The following MKLN1 variants were observed in gnomAD, a reference collection of about 807,000 sequenced individuals.
MKLN1 encodes muskelin 1.
MKLN1 carries 18 observed loss-of-function variants against 99.0 expected under a neutral mutation model. The observed-to-expected ratio is 0.18, with a 90% CI of 0.13 to 0.27. The LOEUF (loss-of-function observed/expected upper bound fraction) is 0.27. Among genes scored for constraint, MKLN1 ranks in the 10% least tolerant of loss-of-function variants. The pLI, the probability that MKLN1 is intolerant of heterozygous loss-of-function variation, is 1.00. For synonymous variants in MKLN1, 288 were observed against 293.2 expected (o/e 0.98, Z 0.18); for missense variants, 621 against 875.9 (o/e 0.71, Z 3.67).
intron 3 of MKLN1, among the ~76,000 whole-genome samples, chr7:131,241,508 G>A (rs554883616): frequency 1.3e-5 from 2 of 152,110 alleles, no homozygotes; most frequent in African/African-American, 4.8e-5. Flanking sequence ...GGAATTCAAG[G>A]CCATCCTGGC....
rs780981139 is a variant in MKLN1 at position 131,429,187 on chromosome 7, G to A, written c.960+42G>A. On this transcript the variant is annotated intron_variant, in intron 9 of 17. Transcript: ENST00000352689. Reference sequence around the variant, plus strand: ...TTCATACATCTATATTACAGAAGGGGCGTAGATGTGCACTTGTTTTTCGGC... The same window carrying A: ...TTCATACATCTATATTACAGAAGGGACGTAGATGTGCACTTGTTTTTCGGC... 2.0e-5 allele frequency: 25 copies of A among 1,277,456 alleles called. No individual in the cohort carries two copies. In the South Asian group the frequency reaches 2.4e-4, roughly 12 times the overall value. The allele number at this position is 1,277,456 out of a possible 1,614,324, so 79.1% of individuals were successfully genotyped here. A position where few individuals can be genotyped will look rare whatever the true frequency, so the allele number is the denominator to read the frequency against.
At chr7:131,195,277 G>A (rs945045584) in intron 2 of MKLN1, among the ~76,000 whole-genome samples, 5 of 152,120 alleles carry the variant, frequency 3.3e-5, no homozygotes, top group Middle Eastern at 3.2e-3. Context: ...TTGGGAGACC[G>A]AGGCGGGTGG....
chr7:131,252,378 G>C (rs1166822153), intron 3 of MKLN1, among the ~76,000 whole-genome samples: 1 of 138,854 alleles, frequency 7.2e-6, no homozygotes, highest in African/African-American at 2.7e-5. Context: ...ACCCAGGCTG[G>C]AGTGCAATGG....
chr7:131,333,614 G>A (rs928323784), intron 1 of MKLN1, among the ~76,000 whole-genome samples: 4 of 151,500 alleles, frequency 2.6e-5, no homozygotes, highest in African/African-American at 9.7e-5. Context: ...TCGGCTCACC[G>A]CAACCTCTGC....
intron 8 of MKLN1, among the ~76,000 whole-genome samples, chr7:131,427,796 C>T (rs559980002): frequency 6.6e-6 from 1 of 152,288 alleles, no homozygotes; most frequent in African/African-American, 2.4e-5. Context: ...CCTTGTGATC[C>T]ACCTGCCTCA....
chr7:131,361,363 A>G (rs1015128273), intron 1 of MKLN1, among the ~76,000 whole-genome samples: 2 of 150,928 alleles, frequency 1.3e-5, no homozygotes, highest in Non-Finnish European at 3.0e-5. Context: ...TTCAGCTGTC[A>G]TATCTTTAAG....
chr7:131,337,097 T>C (rs1799270670), intron 1 of MKLN1, among the ~76,000 whole-genome samples: 1 of 152,214 alleles, frequency 6.6e-6, no homozygotes, highest in African/African-American at 2.4e-5. Flanking sequence ...GACTTACTGT[T>C]GCTTCTTGGA....
At chr7:131,440,425 A>G (rs1479280542) in intron 10 of MKLN1, among the ~76,000 whole-genome samples, 4 of 152,330 alleles carry the variant, frequency 2.6e-5, no homozygotes, top group East Asian at 1.9e-4. Context: ...TCCACCTTCT[A>G]TAGAAATCCT....
intron 12 of MKLN1, among the ~76,000 whole-genome samples, chr7:131,447,966 CACCTGT>C (rs1430189276): frequency 6.6e-6 from 1 of 152,182 alleles, no homozygotes; most frequent in East Asian, 1.9e-4. Context: ...AGGTGGCTTA[CACCTGT>C]AATCCCAGCA....
chr7:131,259,114 T>A (rs10954311), intron 3 of MKLN1, among the ~76,000 whole-genome samples: 25,214 of 151,924 alleles, frequency 0.17, 2,414 homozygotes, highest in African/African-American at 0.26. Flanking sequence ...TTGGATTTTT[T>A]AAAAAAATAT....
At chr7:131,263,324 T>C (rs1797759909) in intron 3 of MKLN1, among the ~76,000 whole-genome samples, 1 of 126,686 alleles carries the variant, frequency 7.9e-6, no homozygotes, top group African/African-American at 2.6e-5. Context: ...GACAATATAG[T>C]GAGACCTCAT....
intron 16 of MKLN1, 69 bp from the exon 17 acceptor site, chr7:131,478,553 GC>G: frequency 7.1e-7 from 1 of 1,416,050 alleles, no homozygotes; most frequent in Non-Finnish European, 9.2e-7. Flanking sequence ...GTTATAGAAG[GC>G]TATTTTCCTT....
chr7:131,314,006 A>G (rs1216219397), intron 3 of MKLN1, among the ~76,000 whole-genome samples: 1 of 152,174 alleles, frequency 6.6e-6, no homozygotes, highest in Non-Finnish European at 1.5e-5. Flanking sequence ...ACATTTCTCT[A>G]AGTATTTAAA....
At chr7:131,454,929 G>A (rs749886016) in intron 12 of MKLN1, among the ~76,000 whole-genome samples, 7 of 152,134 alleles carry the variant, frequency 4.6e-5, no homozygotes, top group Non-Finnish European at 1.0e-4. Flanking sequence ...ACCATGATTT[G>A]GTTGAACTCT....
chr7:131,384,526 A>G (rs1228336034), intron 2 of MKLN1, among the ~76,000 whole-genome samples: 3 of 152,204 alleles, frequency 2.0e-5, no homozygotes, highest in East Asian at 3.9e-4. Flanking sequence ...TGAAGGGAGC[A>G]TGGTACTGCT....
intron 2 of MKLN1, among the ~76,000 whole-genome samples, chr7:131,382,714 A>ATATTTTATTTTATTT (rs71174944): frequency 6.0e-5 from 9 of 148,822 alleles, no homozygotes; most frequent in Admixed American, 2.0e-4. Flanking sequence ...TTAGCTATAG[A>ATATTTTATTTTATTT]TATTTTATTT....
intron 3 of MKLN1, among the ~76,000 whole-genome samples, chr7:131,304,379 A>G (rs1249983280): frequency 6.6e-6 from 1 of 152,210 alleles, no homozygotes; most frequent in Admixed American, 6.5e-5. Context: ...GTCTCTAAAA[A>G]CAAAATAAAA....
Position 131,478,260 on chromosome 7 carries a change from C to T in MKLN1, c.2032-363C>T, listed in dbSNP as rs140252170. On this transcript the variant is annotated intron_variant, in intron 16 of 17. Transcript: ENST00000352689. ...TGAGAATGCATATATGCTAAAAATT[C>T]AGTAACGGGACCCAGGGCACCAATC... 2.0e-3 allele frequency among the ~76,000 whole-genome samples: 305 copies of T among 152,260 alleles called. 1 individual carries two copies. Among genetic ancestry groups the T allele is most frequent in the African/African-American group, 6.9e-3 (285 of 41,548 alleles).
intron 10 of MKLN1, among the ~76,000 whole-genome samples, chr7:131,442,342 G>A (rs560279118): frequency 1.1e-4 from 16 of 152,314 alleles, no homozygotes; most frequent in African/African-American, 3.8e-4. Flanking sequence ...GAGGTCGAGA[G>A]TTCAAGACCA....
Sources: allele counts gnomAD v4.1 joint callset (sites outside exome capture counted in the v4.1 genomes callset), GRCh38; gene constraint gnomAD v4.1.1; transcripts MANE v1.5; gene names NCBI Gene and HGNC (gene_info 2026-07-23, HGNC 2026-07-21).